MAML1: variants seen among roughly 807,000 people sequenced by gnomAD.
MAML1 encodes mastermind-like protein 1.
In MAML1, 14 loss-of-function variants were observed where a neutral mutation model predicts 77.1. That is an observed-to-expected ratio of 0.18 (90% confidence interval 0.12 to 0.28). The LOEUF (loss-of-function observed/expected upper bound fraction) is 0.28. Ranked by LOEUF, MAML1 falls within the 10% of genes least tolerant of loss-of-function variation. The probability of loss-of-function intolerance (pLI) is 1.00; values close to 1 mark genes in which losing one functional copy is unlikely to be tolerated. For missense variants in MAML1, 1,217 were observed against 1,327.8 expected, an observed-to-expected ratio of 0.92 and a Z score of 1.30; for synonymous variants, 516 against 551.9, an observed-to-expected ratio of 0.93 and a Z score of 0.91.
intron 1 of MAML1, among the ~76,000 whole-genome samples, chr5:179,762,045 T>C (rs1049793776): frequency 1.3e-5 from 2 of 152,136 alleles, no homozygotes; most frequent in South Asian, 4.2e-4. Context: ...AAAGGGGCAT[T>C]GGCTGCCAGT....
intron 1 of MAML1, among the ~76,000 whole-genome samples, chr5:179,753,222 T>TGTGTGTGC (rs1491538366): frequency 0.016 from 496 of 31,352 alleles, 5 homozygotes; most frequent in African/African-American, 0.03. Context: ...TGTGTGTGTG[T>TGTGTGTGC]GCGCGCGCGC....
Position 179,776,767 on chromosome 5 carries a change from G to C in MAML1, c.*1890G>C. 1 of 985,962 alleles carries C rather than the reference G, an allele frequency of 1.0e-6. No individual in the cohort carries two copies. Among genetic ancestry groups the C allele is most frequent in the Non-Finnish European group, 1.2e-6 (1 of 830,010 alleles). 61.1% of individuals were successfully genotyped at this position (985,962 alleles called of 1,614,324 possible). A position where few individuals can be genotyped will look rare whatever the true frequency, so the allele number is the denominator to read the frequency against. ...ACTCCGCCTTAGTCCTGGGGCCGGC[G>C]ACACAGTGGGGGCTCCTCACTTGCT... is the stretch of plus-strand genomic sequence containing the variant. On this transcript the variant is annotated 3_prime_UTR_variant, in exon 5 of 5. Transcript: ENST00000292599.
At chr5:179,773,751 C>T in intron 4 of MAML1, 144 bp from the exon 5 acceptor site, 2 of 1,491,648 alleles carry the variant, frequency 1.3e-6, no homozygotes, top group East Asian at 4.6e-5. Flanking sequence ...TCCATTCCAC[C>T]TGTGGAAGGC....
intron 1 of MAML1, among the ~76,000 whole-genome samples, chr5:179,741,683 CAAAAAAA>C (rs10617185): frequency 6.7e-5 from 6 of 89,284 alleles, no homozygotes; most frequent in Non-Finnish European, 6.7e-5. Flanking sequence ...GAGACTGTCT[CAAAAAAA>C]AAAAAAAAAA....
At chr5:179,734,908 G>C (rs1353373313) in intron 1 of MAML1, among the ~76,000 whole-genome samples, 1 of 152,168 alleles carries the variant, frequency 6.6e-6, no homozygotes, top group East Asian at 1.9e-4. Flanking sequence ...CTGGGCTCAA[G>C]TGATCCTTTC....
chr5:179,763,537 T>G (rs1460087486), intron 1 of MAML1, among the ~76,000 whole-genome samples: 1 of 152,124 alleles, frequency 6.6e-6, no homozygotes, highest in Non-Finnish European at 1.5e-5. Flanking sequence ...TATAGAGCAC[T>G]GTGTAGTCAG....
In MAML1 at chr5:179,765,381, G is replaced by T; in HGVS notation, c.371G>T (p.Gly124Val). ...GACAGCGCCACTTCCCCTCAGAATG[G>T]CGATCAACAGAATGGCTACGGGGAC... ...NLDSATSPQN[G>V]DQQNGYGDLF... The change falls in exon 2 of 5, where the codon GGC becomes GTC. Residue 124 changes from glycine (G) to valine (V), a missense_variant. Gly to Val is a moderately radical substitution (Grantham distance 109). Around this residue, in one of 3 missense-constraint regions of MAML1, gnomAD observed 312 missense variants for 331.4 expected, o/e 0.94. Coordinates refer to ENST00000292599, the MANE Select transcript of MAML1 (RefSeq NM_014757.5). The T allele has an allele frequency of 6.2e-7, 1 of 1,612,914 alleles. No individual in the cohort carries two copies. Among genetic ancestry groups the T allele is most frequent in the Non-Finnish European group, 8.5e-7 (1 of 1,179,634 alleles).
chr5:179,773,859 C>A (rs1403313736), intron 4 of MAML1, 36 bp from the exon 5 acceptor site: 2 of 1,576,966 alleles, frequency 1.3e-6, no homozygotes, highest in South Asian at 1.2e-5. Context: ...CAGTGGTGGT[C>A]GACTCCTGAC....
chr5:179,756,396 G>T (rs1379909999), intron 1 of MAML1, among the ~76,000 whole-genome samples: 2 of 149,068 alleles, frequency 1.3e-5, no homozygotes, highest in Non-Finnish European at 3.0e-5. Flanking sequence ...CTGCACTCCA[G>T]CCTGGGCCTG....
chr5:179,765,412 T>C lies in MAML1; in HGVS notation c.402T>C (p.Phe134=). 1 of 1,614,170 alleles carries C rather than the reference T, an allele frequency of 6.2e-7. No individual in the cohort carries two copies. Among genetic ancestry groups the C allele is most frequent in the Non-Finnish European group, 8.5e-7 (1 of 1,180,020 alleles). Residue 134 remains phenylalanine (F), a synonymous_variant, in exon 2 of 5, where the codon TTT becomes TTC. Transcript: ENST00000292599. The part of the protein sequence containing the change: ...GDQQNGYGDL[F]PGHKKTRREA... ...AACAGAATGGCTACGGGGACCTCTT[T>C]CCTGGGCATAAGAAGACTCGCCGGG...
chr5:179,752,350 A>AATATATATATATATATAT (rs1554150145), intron 1 of MAML1, among the ~76,000 whole-genome samples: 54 of 66,684 alleles, frequency 8.1e-4, no homozygotes, highest in Admixed American at 1.4e-3. Context: ...AAAAAAAAAA[A>AATATATATATATATATAT]ATATATATAT....
intron 1 of MAML1, among the ~76,000 whole-genome samples, chr5:179,748,806 C>T (rs1167986183): frequency 3.9e-5 from 6 of 152,144 alleles, no homozygotes; most frequent in Admixed American, 3.3e-4. Context: ...ATCAGAATGT[C>T]TTTGGACTTC....
At chr5:179,761,016 C>T (rs983484333) in intron 1 of MAML1, among the ~76,000 whole-genome samples, 1 of 151,938 alleles carries the variant, frequency 6.6e-6, no homozygotes, top group African/African-American at 2.4e-5. Context: ...ATGGCATGAA[C>T]CCGGGAGGTG....
intron 1 of MAML1, among the ~76,000 whole-genome samples, chr5:179,763,610 T>C (rs1156665787): frequency 2.0e-5 from 3 of 152,178 alleles, no homozygotes; most frequent in Non-Finnish European, 4.4e-5. Flanking sequence ...AACATTAGAA[T>C]TGGGGATTAG....
chr5:179,756,620 G>A (rs1024259347), intron 1 of MAML1, among the ~76,000 whole-genome samples: 1 of 148,288 alleles, frequency 6.7e-6, no homozygotes, highest in East Asian at 1.9e-4. Flanking sequence ...TGTAAGTAAT[G>A]GGGAAATAAG....
chr5:179,740,336 T>C (rs1241981343), intron 1 of MAML1, among the ~76,000 whole-genome samples: 1 of 152,110 alleles, frequency 6.6e-6, no homozygotes, highest in East Asian at 1.9e-4. Context: ...AGGGGCGCAA[T>C]CTCAGCTCAC....
In MAML1 at chr5:179,733,325, C is replaced by T. The variant is rs1304825796; in HGVS notation, c.213C>T (p.Ala71=). The T allele has an allele frequency of 7.3e-7, 1 of 1,372,260 alleles. No individual in the cohort carries two copies. The highest frequency in any genetic ancestry group is 9.5e-7 in the Non-Finnish European group (1 of 1,054,814). The allele number at this position is 1,372,260 out of a possible 1,614,324, so 85.0% of individuals were successfully genotyped here. A position where few individuals can be genotyped will look rare whatever the true frequency, so the allele number is the denominator to read the frequency against. ...GCATCCAGGCCAAGGCCAAGCGCGCCGGGAAGCACAGGCAGCCGCCCGCCG... is the reference window on the plus strand; with the variant it reads ...GCATCCAGGCCAAGGCCAAGCGCGCTGGGAAGCACAGGCAGCCGCCCGCCG... The part of the protein sequence containing the change: ...QRCIQAKAKR[A]GKHRQPPAAT... The change falls in exon 1 of 5, where the codon GCC becomes GCT. Residue 71 remains alanine (A), a synonymous_variant. Coordinates refer to ENST00000292599, the MANE Select transcript of MAML1 (RefSeq NM_014757.5).
intron 1 of MAML1, among the ~76,000 whole-genome samples, chr5:179,759,949 G>T (rs1170309098): frequency 6.6e-6 from 1 of 152,222 alleles, no homozygotes. Context: ...CCAGTTGTAT[G>T]TAGGGACTAA....
chr5:179,765,636 C>T lies in MAML1; in HGVS notation c.626C>T (p.Pro209Leu). The stretch of plus-strand genomic sequence containing the variant: ...GGCAGTAACCCCAGTGAGTCATTTC[C>T]TCTGAGCCTGAATAAAGAACTGAAG... ...NGGSNPSESF[P>L]LSLNKELKQE... The change falls in exon 2 of 5, where the codon CCT becomes CTT. Residue 209 changes from proline to leucine, a missense_variant. Pro to Leu is a moderately conservative substitution (Grantham distance 98, BLOSUM62 -3). Around this residue, in one of 3 missense-constraint regions of MAML1, gnomAD observed 312 missense variants for 331.4 expected, o/e 0.94. Coordinates refer to ENST00000292599, the MANE Select transcript of MAML1 (RefSeq NM_014757.5). 6.2e-7 allele frequency: 1 copy of T among 1,614,216 alleles called. No individual in the cohort carries two copies. Among genetic ancestry groups the T allele is most frequent in the African/African-American group, 1.3e-5 (1 of 75,056 alleles).
Sources: gnomAD v4.1 joint callset for allele counts (sites outside exome capture counted in the v4.1 genomes callset) on GRCh38, gnomAD v4.1.1 for gene constraint, gnomAD v4.1.1 regional missense constraint, MANE v1.5 for transcripts, NCBI Gene and HGNC (gene_info 2026-07-23, HGNC 2026-07-21) for gene names.